Variants in AKR1C8 observed in about 807,000 individuals in gnomAD.
The protein encoded by AKR1C8 is aldo-keto reductase family 1 member C8.
At chr10:5,151,063 A>G in the AKR1C8 span, among the ~76,000 whole-genome samples, 100 of 152,218 alleles carry the variant, frequency 6.6e-4, 1 homozygote, top group East Asian at 0.015. Flanking sequence ...ATTAAATCAT[A>G]GGGAGTTGAA....
At chr10:5,132,733 C>G in the AKR1C8 span, 1 of 1,540,224 alleles carries the variant, frequency 6.5e-7, no homozygotes, top group Non-Finnish European at 8.9e-7. Flanking sequence ...GCTTCTATTG[C>G]TAATTTTGTA....
chr10:5,164,322 C>T, the AKR1C8 span, among the ~76,000 whole-genome samples: 2 of 152,082 alleles, frequency 1.3e-5, no homozygotes, highest in Admixed American at 1.3e-4. Context: ...CAGGCCCCCT[C>T]TCTACTATAG....
the AKR1C8 span, among the ~76,000 whole-genome samples, chr10:5,131,229 GAAGAT>G: frequency 6.6e-6 from 1 of 151,944 alleles, no homozygotes; most frequent in Non-Finnish European, 1.5e-5. Context: ...AAAAATTCTA[GAAGAT>G]AACATTGGAA....
At chr10:5,155,971 T>C in the AKR1C8 span, among the ~76,000 whole-genome samples, 1 of 152,174 alleles carries the variant, frequency 6.6e-6, no homozygotes, top group Non-Finnish European at 1.5e-5. Flanking sequence ...CCTCTCCTAC[T>C]GGGCTCCACT....
chr10:5,159,476 G>A, the AKR1C8 span, among the ~76,000 whole-genome samples: 1 of 152,212 alleles, frequency 6.6e-6, no homozygotes, highest in South Asian at 2.1e-4. Context: ...CTCCTTGCCA[G>A]TGCCTCTCTG....
the AKR1C8 span, among the ~76,000 whole-genome samples, chr10:5,166,179 C>T: frequency 1.1e-3 from 167 of 152,020 alleles, 1 homozygote; most frequent in Middle Eastern, 6.8e-3. Context: ...CCTTTGACCC[C>T]GAGACTCTGA....
At chr10:5,160,596 A>G in the AKR1C8 span, among the ~76,000 whole-genome samples, 1 of 152,134 alleles carries the variant, frequency 6.6e-6, no homozygotes, top group Non-Finnish European at 1.5e-5. Flanking sequence ...AGGTGCCTCT[A>G]TGTCTACTTA....
the AKR1C8 span, chr10:5,155,352 T>C: frequency 1.3e-5 from 2 of 152,654 alleles, no homozygotes; most frequent in African/African-American, 2.4e-5. Context: ...TGGGCCCCTA[T>C]AGGTTTGTAG....
the AKR1C8 span, among the ~76,000 whole-genome samples, chr10:5,117,175 A>G: frequency 6.6e-6 from 1 of 152,170 alleles, no homozygotes; most frequent in African/African-American, 2.4e-5. Flanking sequence ...GGTGCTTCCT[A>G]AACATGAGTC....
At chr10:5,163,423 A>G in the AKR1C8 span, among the ~76,000 whole-genome samples, 149,446 of 152,316 alleles carry the variant, frequency 0.98, 73,321 homozygotes, top group East Asian at 1. Context: ...ACATTGTTCT[A>G]TCATTTTTAG....
chr10:5,155,826 C>T, the AKR1C8 span: 1 of 419,356 alleles, frequency 2.4e-6, no homozygotes, highest in Non-Finnish European at 5.0e-6. Context: ...AATACAAGGA[C>T]TTTCCAGGAG....
chr10:5,140,960 G>A, the AKR1C8 span, among the ~76,000 whole-genome samples: 1 of 152,122 alleles, frequency 6.6e-6, no homozygotes, highest in Non-Finnish European at 1.5e-5. Flanking sequence ...AATGAAATTT[G>A]CCTCATTGAT....
the AKR1C8 span, among the ~76,000 whole-genome samples, chr10:5,178,571 A>G: frequency 6.6e-6 from 1 of 152,166 alleles, no homozygotes; most frequent in African/African-American, 2.4e-5. Flanking sequence ...TCTAATGTTG[A>G]CAGTGGGGTG....
chr10:5,162,745 T>A, the AKR1C8 span: 1 of 376,226 alleles, frequency 2.7e-6, no homozygotes, highest in Non-Finnish European at 5.4e-6. Context: ...TATGCCTTCA[T>A]AATATTAGGA....
the AKR1C8 span, among the ~76,000 whole-genome samples, chr10:5,167,121 A>C: frequency 6.6e-6 from 1 of 152,166 alleles, no homozygotes; most frequent in Non-Finnish European, 1.5e-5. Context: ...GATCATTAAA[A>C]AGTCAGGAAA....
chr10:5,138,839 T>C, the AKR1C8 span, among the ~76,000 whole-genome samples: 2 of 151,654 alleles, frequency 1.3e-5, no homozygotes, highest in African/African-American at 4.9e-5. Context: ...AAATAAAGAG[T>C]ATTCAATTAG....
the AKR1C8 span, among the ~76,000 whole-genome samples, chr10:5,156,467 TA>T: frequency 0.55 from 83,609 of 150,822 alleles, 23,880 homozygotes; most frequent in Non-Finnish European, 0.61. Flanking sequence ...ATTTTTTGGT[TA>T]AAAAAAAAAT....
chr10:5,148,909 C>A, the AKR1C8 span, among the ~76,000 whole-genome samples: 3 of 151,614 alleles, frequency 2.0e-5, no homozygotes, highest in African/African-American at 7.3e-5. Flanking sequence ...TGAAGTCTTG[C>A]GTCCTGTGGA....
At chr10:5,127,646 G>A in the AKR1C8 span, among the ~76,000 whole-genome samples, 1 of 145,644 alleles carries the variant, frequency 6.9e-6, no homozygotes, top group African/African-American at 2.6e-5. Flanking sequence ...TTTAACCTGG[G>A]AGGAGGAGGT....
Sources: allele counts gnomAD v4.1 joint callset (sites outside exome capture counted in the v4.1 genomes callset), GRCh38; gene constraint gnomAD v4.1.1; transcripts MANE v1.5; gene names NCBI Gene and HGNC (gene_info 2026-07-23, HGNC 2026-07-21).